SEMA4A: variants seen among roughly 807,000 people sequenced by gnomAD.
SEMA4A encodes the protein semaphorin 4A.
A neutral mutation model predicts 72.5 loss-of-function variants in SEMA4A; 52 were observed. The observed-to-expected ratio is 0.72, with a 90% CI of 0.57 to 0.90. SEMA4A has a LOEUF of 0.90. Among genes scored for constraint, SEMA4A ranks in the 40% least tolerant of loss-of-function variants. SEMA4A has a pLI of 0.00. For missense variants in SEMA4A, 926 were observed against 959.7 expected (o/e 0.96, Z 0.46); for synonymous variants, 369 against 393.1 (o/e 0.94, Z 0.73).
intron 10 of SEMA4A, among the ~76,000 whole-genome samples, chr1:156,169,980 G>A (rs1189825364): frequency 6.6e-6 from 1 of 151,782 alleles, no homozygotes; most frequent in Non-Finnish European, 1.5e-5. Context: ...AGCCGAGATC[G>A]TGCCACTGCA....
intron 10 of SEMA4A, among the ~76,000 whole-genome samples, chr1:156,166,493 T>C (rs765655094): frequency 6.6e-6 from 1 of 152,228 alleles, no homozygotes; most frequent in Non-Finnish European, 1.5e-5. Context: ...CTGGACCTCC[T>C]AGACTAGTCT....
intron 5 of SEMA4A, 97 bp from the exon 6 acceptor site, chr1:156,158,622 T>C: frequency 7.6e-7 from 1 of 1,320,732 alleles, no homozygotes; most frequent in Non-Finnish European, 1.1e-6. Context: ...CCCAGACCAA[T>C]TTCCCTCTAT....
intron 10 of SEMA4A, among the ~76,000 whole-genome samples, chr1:156,170,654 T>G (rs1182746918): frequency 6.6e-6 from 1 of 150,524 alleles, no homozygotes; most frequent in Non-Finnish European, 1.5e-5. Context: ...CTCGGGAGGC[T>G]GAGGCAGGCG....
At chr1:156,175,806 T>TA in intron 14 of SEMA4A, 150 bp downstream of exon 14, 1 of 679,746 alleles carries the variant, frequency 1.5e-6, no homozygotes, top group Non-Finnish European at 2.7e-6. Context: ...GTCCTGGCTA[T>TA]AGGGAAGAGG....
At position 156,163,107 on chromosome 1, in the gene SEMA4A, C is replaced by A. The variant is rs1241386216; in HGVS notation, c.1134+13C>A. The stretch of plus-strand genomic sequence containing the variant: ...CCGGCCAGGCAGTGTGAGTACTACC[C>A]CCCACACTGAGCACAGTCTACACAT... On this transcript the variant is annotated intron_variant, in intron 10 of 14. Coordinates refer to ENST00000368285, the MANE Select transcript of SEMA4A (RefSeq NM_022367.4). The A allele has an allele frequency of 1.9e-6, 3 of 1,607,746 alleles. No individual in the cohort carries two copies. Among genetic ancestry groups the A allele is most frequent in the East Asian group, 2.2e-5 (1 of 44,886 alleles).
intron 10 of SEMA4A, among the ~76,000 whole-genome samples, chr1:156,165,529 C>T (rs74116501): frequency 0.013 from 2,004 of 152,208 alleles, 43 homozygotes; most frequent in African/African-American, 0.046. Context: ...AATAGAAATA[C>T]GTTTCCTTCA....
chr1:156,165,904 C>CTTGT (rs1654106496), intron 10 of SEMA4A, among the ~76,000 whole-genome samples: 2 of 37,782 alleles, frequency 5.3e-5, no homozygotes, highest in African/African-American at 2.3e-4. Flanking sequence ...ATCTTCCTAT[C>CTTGT]TTCTTTTTTT....
chr1:156,153,158 C>A (rs776850943), upstream of SEMA4A, among the ~76,000 whole-genome samples: 8 of 152,074 alleles, frequency 5.3e-5, no homozygotes, highest in Non-Finnish European at 1.0e-4. Context: ...TGGATAAGAG[C>A]CTAATACAAT....
intron 2 of SEMA4A, chr1:156,155,124 G>T (rs915238688): frequency 8.0e-6 from 2 of 248,820 alleles, no homozygotes; most frequent in African/African-American, 4.5e-5. Flanking sequence ...CCCGGAGCTC[G>T]CCAGGCCCAT....
chr1:156,155,453 C>T (rs1173922519), intron 2 of SEMA4A: 1 of 152,606 alleles, frequency 6.6e-6, no homozygotes, highest in Non-Finnish European at 1.5e-5. Context: ...AGCCTCAGCC[C>T]CTGCCCTCAA....
intron 2 of SEMA4A, 144 bp downstream of exon 2, chr1:156,154,861 C>T (rs2102934253): frequency 1.9e-6 from 2 of 1,042,910 alleles, no homozygotes; most frequent in Non-Finnish European, 2.7e-6. Context: ...AACAGAGGAT[C>T]TCGGAGAAAG....
upstream of SEMA4A, among the ~76,000 whole-genome samples, chr1:156,151,782 G>A (rs1652551890): frequency 7.2e-6 from 1 of 139,450 alleles, no homozygotes; most frequent in South Asian, 2.3e-4. Context: ...GTTGCAGTGA[G>A]CCGAGATCGC....
At chr1:156,161,635 T>C (rs1312765911) in intron 9 of SEMA4A, 117 bp downstream of exon 9, 6 of 1,065,290 alleles carry the variant, frequency 5.6e-6, no homozygotes, top group South Asian at 1.4e-5. Flanking sequence ...CACTTTCACA[T>C]AGGAAGGCAT....
At chr1:156,159,135 A>G (rs1209717874) in intron 6 of SEMA4A, 1 of 390,192 alleles carries the variant, frequency 2.6e-6, no homozygotes, top group Non-Finnish European at 4.8e-6. Context: ...GGAGTCTGAG[A>G]CCAGCCTGGT....
At chr1:156,158,301 C>G in intron 4 of SEMA4A, 87 bp from the exon 5 acceptor site, 1 of 1,286,224 alleles carries the variant, frequency 7.8e-7, no homozygotes, top group African/African-American at 1.5e-5. Context: ...CATTACCTAG[C>G]CTTTCTCCTC....
chr1:156,163,094 T>C lies in SEMA4A; in HGVS notation c.1134T>C (p.Ser378=), dbSNP rs201712465. The part of the protein sequence containing the change: ...RGPETNPRPG[S]CSVGPSSDKA... ...CTGAGACCAACCCCCGGCCAGGCAG[T>C]GTGAGTACTACCCCCCACACTGAGC... Residue 378 remains serine, a splice_region_variant and synonymous_variant, in exon 10 of 15, where the codon AGT becomes AGC. Transcript: ENST00000368285. 6.2e-7 allele frequency: 1 copy of C among 1,612,842 alleles called. No individual in the cohort carries two copies. Among genetic ancestry groups the C allele is most frequent in the Non-Finnish European group, 8.5e-7 (1 of 1,179,470 alleles).
intron 10 of SEMA4A, among the ~76,000 whole-genome samples, chr1:156,169,958 G>C (rs1196197564): frequency 6.6e-6 from 1 of 151,654 alleles, no homozygotes; most frequent in African/African-American, 2.4e-5. Flanking sequence ...CCGGGAAGTG[G>C]AGGTTGCAGT....
At chr1:156,172,151 T>G (rs1261917919) in intron 10 of SEMA4A, among the ~76,000 whole-genome samples, 1 of 151,648 alleles carries the variant, frequency 6.6e-6, no homozygotes, top group Non-Finnish European at 1.5e-5. Flanking sequence ...GGAGTCTCTC[T>G]CTGTCGCCCA....
At chr1:156,161,660 C>T (rs898353191) in intron 9 of SEMA4A, 142 bp downstream of exon 9, 2 of 804,756 alleles carry the variant, frequency 2.5e-6, no homozygotes, top group Non-Finnish European at 4.0e-6. Flanking sequence ...TCGTCACCAC[C>T]TCTCAGGAAT....
Sources: gnomAD v4.1 joint callset for allele counts (sites outside exome capture counted in the v4.1 genomes callset) on GRCh38, gnomAD v4.1.1 for gene constraint, MANE v1.5 for transcripts, NCBI Gene and HGNC (gene_info 2026-07-23, HGNC 2026-07-21) for gene names.